DRC9: variants seen among roughly 807,000 people sequenced by gnomAD.
DRC9 encodes the protein dynein regulatory complex subunit 9.
the DRC9 span, among the ~76,000 whole-genome samples, chr3:197,897,397 C>T: frequency 6.6e-6 from 1 of 152,076 alleles, no homozygotes; most frequent in African/African-American, 2.4e-5. Context: ...TTATGAACCG[C>T]TATATTCTTT....
the DRC9 span, chr3:197,950,639 G>C: frequency 1.5e-5 from 7 of 465,138 alleles, no homozygotes; most frequent in East Asian, 2.7e-4. Flanking sequence ...CTTTTCCTGA[G>C]TGTTGCCTAC....
At chr3:197,918,050 T>C in the DRC9 span, among the ~76,000 whole-genome samples, 1 of 149,046 alleles carries the variant, frequency 6.7e-6, no homozygotes, top group African/African-American at 2.5e-5. Flanking sequence ...CTCCTCCTTC[T>C]TCCTCTTCCC....
the DRC9 span, chr3:197,943,847 G>C: frequency 6.2e-7 from 1 of 1,614,052 alleles, no homozygotes. Flanking sequence ...GCTGGTCTGT[G>C]GTGTCCTCCA....
At chr3:197,950,694 T>A in the DRC9 span, 1 of 545,162 alleles carries the variant, frequency 1.8e-6, no homozygotes, top group Non-Finnish European at 3.2e-6. Context: ...GAGTCATTTT[T>A]GTGACTCCTG....
chr3:197,892,508 G>T, the DRC9 span: 1 of 1,238,764 alleles, frequency 8.1e-7, no homozygotes, highest in Non-Finnish European at 1.1e-6. Context: ...TCCTCGGTGA[G>T]CACCCTGATT....
chr3:197,903,991 CATATATATATACATACAT>C, the DRC9 span, among the ~76,000 whole-genome samples: 14 of 143,322 alleles, frequency 9.8e-5, no homozygotes, highest in African/African-American at 3.5e-4. Context: ...TACACACACA[CATATATATATACATACAT>C]ATATATATAC....
the DRC9 span, chr3:197,950,995 T>C: frequency 7.4e-6 from 12 of 1,612,528 alleles, no homozygotes; most frequent in African/African-American, 1.3e-5. Context: ...GTTTTAAATA[T>C]AGTTCTTTAT....
chr3:197,951,031 A>C, the DRC9 span: 1 of 1,605,678 alleles, frequency 6.2e-7, no homozygotes, highest in Admixed American at 1.7e-5. Flanking sequence ...GTGAACGTAA[A>C]TGCGAGCTTA....
the DRC9 span, chr3:197,944,166 T>C: frequency 6.8e-6 from 6 of 884,140 alleles, no homozygotes; most frequent in Non-Finnish European, 1.0e-5. Flanking sequence ...CGTCGTATAA[T>C]AGAACCTAGA....
At chr3:197,890,316 G>A in the DRC9 span, among the ~76,000 whole-genome samples, 1 of 151,830 alleles carries the variant, frequency 6.6e-6, no homozygotes, top group South Asian at 2.1e-4. Flanking sequence ...GAGGCAGGAG[G>A]ATCTCTTGAG....
At chr3:197,902,121 G>T in the DRC9 span, among the ~76,000 whole-genome samples, 1 of 152,220 alleles carries the variant, frequency 6.6e-6, no homozygotes, top group African/African-American at 2.4e-5. Flanking sequence ...AGACCACCAA[G>T]GTGATACCTC....
the DRC9 span, chr3:197,953,418 C>G: frequency 4.4e-6 from 2 of 456,688 alleles, no homozygotes; most frequent in Non-Finnish European, 8.8e-6. Context: ...GTACATTGCT[C>G]GAACCACAGT....
chr3:197,936,669 A>G, the DRC9 span, among the ~76,000 whole-genome samples: 9 of 152,292 alleles, frequency 5.9e-5, 1 homozygote, highest in Admixed American at 5.9e-4. Flanking sequence ...GGCCTGTTGT[A>G]GTTTTTATGT....
the DRC9 span, chr3:197,938,524 C>G: frequency 1.9e-5 from 29 of 1,564,744 alleles, no homozygotes; most frequent in South Asian, 2.9e-4. Flanking sequence ...CGTTATTTCA[C>G]TGCCAAATGT....
At chr3:197,953,972 G>C in the DRC9 span, 1 of 1,611,386 alleles carries the variant, frequency 6.2e-7, no homozygotes, top group Non-Finnish European at 8.5e-7. Context: ...ATATCAGCTT[G>C]TATTCCTCTT....
At chr3:197,903,296 C>A in the DRC9 span, among the ~76,000 whole-genome samples, 1 of 152,116 alleles carries the variant, frequency 6.6e-6, no homozygotes, top group African/African-American at 2.4e-5. Context: ...TGAGTAATAC[C>A]CCACAAGCAC....
At chr3:197,957,090 G>A in the DRC9 span, 1 of 152,198 alleles carries the variant, frequency 6.6e-6, no homozygotes, top group African/African-American at 2.4e-5. Context: ...AGAAAGGATT[G>A]GGTAGGAAAA....
the DRC9 span, among the ~76,000 whole-genome samples, chr3:197,891,880 CTT>C: frequency 6.6e-6 from 1 of 152,004 alleles, no homozygotes; most frequent in Non-Finnish European, 1.5e-5. Context: ...AGTCAGCTGT[CTT>C]TTTTGTTTGT....
the DRC9 span, chr3:197,913,997 T>C: frequency 8.7e-6 from 14 of 1,614,170 alleles, no homozygotes; most frequent in Non-Finnish European, 1.2e-5. Context: ...TTTGCCTTCA[T>C]CTCTTGCAGT....
Sources: gnomAD v4.1 joint callset for allele counts (sites outside exome capture counted in the v4.1 genomes callset) on GRCh38, gnomAD v4.1.1 for gene constraint, MANE v1.5 for transcripts, NCBI Gene and HGNC (gene_info 2026-07-23, HGNC 2026-07-21) for gene names.